Variants in ACTB observed in about 807,000 individuals in gnomAD.
The protein encoded by ACTB is actin beta.
ACTB carries 2 observed loss-of-function variants against 30.5 expected under a neutral mutation model. That is an observed-to-expected ratio of 0.07 (90% CI 0.03 to 0.21). The LOEUF is 0.21. Among genes scored for constraint, ACTB ranks in the 10% least tolerant of loss-of-function variants. ACTB has a pLI of 1.00. For missense variants in ACTB, 56 were observed against 530.0 expected (o/e 0.11, Z 8.78); for synonymous variants, 335 against 217.6 (o/e 1.54, Z -4.75).
rs553518880 is a variant in ACTB at position 5,529,670 on chromosome 7, G to T, written c.-6-7C>A. 1.2e-6 allele frequency: 2 copies of T among 1,611,320 alleles called. No homozygotes were observed. The highest frequency in any genetic ancestry group is 1.7e-6 in the Non-Finnish European group (2 of 1,179,602). ...TATCATCATCCATGGTGAGCTGCGA[G>T]AATAGCCGGGCGCGCTGTGAGCCGA... On this transcript the variant is annotated splice_polypyrimidine_tract_variant and splice_region_variant and intron_variant, in intron 1 of 5. Coordinates refer to ENST00000646664, the MANE Select transcript of ACTB (RefSeq NM_001101.5).
At chr7:5,529,922 T>C (rs1203842816) in intron 1 of ACTB, 1 of 413,774 alleles carries the variant, frequency 2.4e-6, no homozygotes, top group Non-Finnish European at 4.3e-6. Flanking sequence ...CAGCGCCGGG[T>C]CGGCGCGCGC....
At position 5,527,548 on chromosome 7, in the gene ACTB, T is replaced by C. The variant is rs1784790579; in HGVS notation, c.*200A>G. 2.4e-6 allele frequency: 2 copies of C among 819,778 alleles called. No individual in the cohort carries two copies. Among genetic ancestry groups the C allele is most frequent in the Non-Finnish European group, 3.8e-6 (2 of 528,900 alleles). The allele number at this position is 819,778 out of a possible 1,614,324, so 50.8% of individuals were successfully genotyped here. ...GCAATCAAAGTCCTCGGCCACATTG[T>C]GAACTTTGGGGGATGCTCGCTCCAA... On this transcript the variant is annotated 3_prime_UTR_variant, in exon 6 of 6. Coordinates refer to ENST00000646664, the MANE Select transcript of ACTB (RefSeq NM_001101.5).
At chr7:5,528,865 T>A in intron 3 of ACTB, 146 bp from the exon 4 acceptor site, 1 of 1,378,762 alleles carries the variant, frequency 7.3e-7, no homozygotes, top group Non-Finnish European at 1.0e-6. Context: ...ACTGTGCACC[T>A]ACTTAATACA....
chr7:5,527,951 C>A (rs1784800984), intron 5 of ACTB, 53 bp downstream of exon 5: 2 of 1,613,120 alleles, frequency 1.2e-6, no homozygotes, highest in South Asian at 2.2e-5. Flanking sequence ...CCACACACCA[C>A]AGGACCCCAC....
rs1314085333 is a variant in ACTB, at chr7:5,527,924, C to T, written c.985-33G>A. On this transcript the variant is annotated intron_variant, in intron 5 of 5. Transcript: ENST00000646664. ...GGGAAGGGGACAGGCAGTGAGGACC[C>T]TGGATGTGACAGCTCCCCACACACC... is the stretch of plus-strand genomic sequence containing the variant. The T allele has an allele frequency of 2.5e-6, 4 of 1,613,060 alleles. No homozygotes were observed. In the Admixed American group the frequency reaches 5.0e-5, roughly 20 times the overall value.
rs1021214013 is a variant in ACTB at position 5,529,616 on chromosome 7, G to A, written c.42C>T (p.Ser14=). ...DIAALVVDNG[S]GMCKAGFAGD... is the part of the protein sequence containing the mutation. ...CCGCGAAGCCGGCCTTGCACATGCC[G>A]GAGCCGTTGTCGACGACGAGCGCGG... is the stretch of plus-strand genomic sequence containing the variant. The change falls in exon 2 of 6, where the codon TCC becomes TCT. Residue 14 remains serine, a synonymous_variant. Transcript: ENST00000646664. 5.0e-6 allele frequency: 8 copies of A among 1,611,388 alleles called. No homozygotes were observed. The highest frequency in any genetic ancestry group is 5.9e-6 in the Non-Finnish European group (7 of 1,179,770).
chr7:5,529,827 G>A (rs1191526422), intron 1 of ACTB, 164 bp from the exon 2 acceptor site: 7 of 1,184,608 alleles, frequency 5.9e-6, no homozygotes, highest in South Asian at 2.6e-5. Context: ...AACACTGGTC[G>A]GAGGCGTCCC....
In ACTB at chr7:5,529,961, C is replaced by T; in HGVS notation, c.-6-298G>A. The T allele has an allele frequency of 2.0e-5, 5 of 254,452 alleles. No individual in the cohort carries two copies. In the South Asian group the frequency reaches 2.1e-4, roughly 11 times the overall value. The allele number at this position is 254,452 out of a possible 1,614,324, so 15.8% of individuals were successfully genotyped here. A position where few individuals can be genotyped will look rare whatever the true frequency, so the allele number is the denominator to read the frequency against. On this transcript the variant is annotated intron_variant, in intron 1 of 5. Transcript: ENST00000646664. ...CGCAGCGGCCACACCCTCGGGCGGC[C>T]AGCGGCTCGGGCAGGAAGTGCGCGC... is the stretch of plus-strand genomic sequence containing the variant.
chr7:5,529,293 G>A lies in ACTB; in HGVS notation c.231C>T (p.Thr77=). The A allele has an allele frequency of 6.2e-7, 1 of 1,614,080 alleles. No individual in the cohort carries two copies. The highest frequency in any genetic ancestry group is 8.5e-7 in the Non-Finnish European group (1 of 1,180,044). The part of the protein sequence containing the change: ...LKYPIEHGIV[T]NWDDMEKIWH... Reference sequence around the variant, plus strand: ...AGATTTTCTCCATGTCGTCCCAGTTGGTGACGATGCCGTGCTCGATGGGGT... The same window carrying A: ...AGATTTTCTCCATGTCGTCCCAGTTAGTGACGATGCCGTGCTCGATGGGGT... The change falls in exon 3 of 6, where the codon ACC becomes ACT. Residue 77 remains threonine, a synonymous_variant. Coordinates refer to ENST00000646664, the MANE Select transcript of ACTB (RefSeq NM_001101.5).
Position 5,527,673 on chromosome 7 carries a change from G to A in ACTB, c.*75C>T. On this transcript the variant is annotated 3_prime_UTR_variant, in exon 6 of 6. Coordinates refer to ENST00000646664, the MANE Select transcript of ACTB (RefSeq NM_001101.5). ...AAACAAAAAAAACAAATAAAGCCAT[G>A]CCAATCTCATCTTGTTTTCTGCGCA... The A allele has an allele frequency of 6.3e-7, 1 of 1,589,490 alleles. No individual in the cohort carries two copies. Among genetic ancestry groups the A allele is most frequent in the Non-Finnish European group, 8.6e-7 (1 of 1,160,234 alleles).
intron 3 of ACTB, 46 bp from the exon 4 acceptor site, chr7:5,528,765 G>A (rs1172308754): frequency 1.2e-6 from 2 of 1,601,452 alleles, no homozygotes; most frequent in Admixed American, 3.3e-5. Flanking sequence ...AGCCACTGGG[G>A]ACAGCCAGGC....
chr7:5,527,991 G>GA lies in ACTB; in HGVS notation c.984+12dup, dbSNP rs766398197. ...GACCTGCCCAGGTCAGCTCAGGCAG[G>GA]AAAGACACCCACCTTGATCTTCATT... On this transcript the variant is annotated intron_variant, in intron 5 of 5. Transcript: ENST00000646664. The GA allele has an allele frequency of 2.5e-6, 4 of 1,613,240 alleles. No individual in the cohort carries two copies. Among genetic ancestry groups the GA allele is most frequent in the South Asian group, 1.1e-5 (1 of 91,062 alleles).
intron 1 of ACTB, 96 bp from the exon 2 acceptor site, chr7:5,529,759 C>G (rs761162019): frequency 7.0e-6 from 11 of 1,579,548 alleles, no homozygotes; most frequent in African/African-American, 1.3e-5. Flanking sequence ...GGCGCCGGCG[C>G]GCGCCCAGAT....
chr7:5,529,065 G>A (rs1482830882), intron 3 of ACTB, 96 bp downstream of exon 3: 6 of 1,613,240 alleles, frequency 3.7e-6, no homozygotes, highest in Non-Finnish European at 5.1e-6. Context: ...GAGTCCTACG[G>A]AAAACGGCAG....
rs766505758 is a variant in ACTB, at chr7:5,529,410, A to G, written c.124-10T>C. ...TGCCCACCATCACGCCCTGGGAAGG[A>G]AAGGACAAGAAGCCCTGAGCACGGG... On this transcript the variant is annotated splice_polypyrimidine_tract_variant and intron_variant, in intron 2 of 5. Coordinates refer to ENST00000646664, the MANE Select transcript of ACTB (RefSeq NM_001101.5). The G allele has an allele frequency of 1.2e-6, 2 of 1,613,858 alleles. No homozygotes were observed. The highest frequency in any genetic ancestry group is 1.7e-6 in the Non-Finnish European group (2 of 1,179,974).
intron 1 of ACTB, 115 bp from the exon 2 acceptor site, chr7:5,529,778 A>T: frequency 6.6e-7 from 1 of 1,526,484 alleles, no homozygotes; most frequent in Non-Finnish European, 9.0e-7. Flanking sequence ...ATTGGGGACA[A>T]AGGAAGCCGG....
In ACTB at chr7:5,527,802, G is replaced by A. The variant is rs767420899; in HGVS notation, c.1074C>T (p.Ser358=). The A allele has an allele frequency of 4.5e-5, 72 of 1,613,968 alleles. No homozygotes were observed. Among genetic ancestry groups the A allele is most frequent in the Admixed American group, 6.7e-5 (4 of 60,002 alleles). The change falls in exon 6 of 6, where the codon AGC becomes AGT. Residue 358 remains serine (S), a synonymous_variant. Transcript: ENST00000646664. ...SLSTFQQMWI[S]KQEYDESGPS... ...GGCCGGACTCGTCATACTCCTGCTT[G>A]CTGATCCACATCTGCTGGAAGGTGG...
chr7:5,530,371 C>CA (rs1221109456), intron 1 of ACTB, among the ~76,000 whole-genome samples, 153 bp downstream of exon 1: 1 of 152,032 alleles, frequency 6.6e-6, no homozygotes, highest in African/African-American at 2.4e-5. Context: ...TCCGGAGGCC[C>CA]AGGGGCTTCT....
intron 5 of ACTB, 32 bp from the exon 6 acceptor site, chr7:5,527,923 C>G (rs1784800346): frequency 6.2e-7 from 1 of 1,612,960 alleles, no homozygotes; most frequent in South Asian, 1.1e-5. Flanking sequence ...CAGTGAGGAC[C>G]CTGGATGTGA....
Sources: allele counts gnomAD v4.1 joint callset (sites outside exome capture counted in the v4.1 genomes callset), GRCh38; gene constraint gnomAD v4.1.1; transcripts MANE v1.5; gene names NCBI Gene and HGNC (gene_info 2026-07-23, HGNC 2026-07-21).